ABCC9: variants seen among roughly 807,000 people sequenced by gnomAD.
ABCC9 encodes ATP-binding cassette sub-family C member 9.
Under a neutral mutation model 188.3 loss-of-function variants are expected in ABCC9, and 95 were observed. The observed-to-expected ratio is 0.50, with a 90% CI of 0.43 to 0.60. The LOEUF is 0.60. ABCC9 is among the 20% of genes least tolerant of loss of function. ABCC9 has a pLI of 0.00. For missense variants in ABCC9, 1,102 were observed against 1,876.3 expected (o/e 0.59, Z 7.62); for synonymous variants, 659 against 652.7 (o/e 1.01, Z -0.15).
chr12:21,903,377 G>A (rs1338087725), intron 12 of ABCC9, among the ~76,000 whole-genome samples: 1 of 152,134 alleles, frequency 6.6e-6, no homozygotes, highest in East Asian at 1.9e-4. Flanking sequence ...CACAAGACAG[G>A]GATGCCCTCT....
chr12:21,925,759 C>T (rs562573151), intron 5 of ABCC9, among the ~76,000 whole-genome samples, 183 bp downstream of exon 5: 3 of 152,090 alleles, frequency 2.0e-5, no homozygotes, highest in Middle Eastern at 3.4e-3. Context: ...CCTAGAGCAA[C>T]TCAGCTTATC....
intron 5 of ABCC9, chr12:21,925,099 C>T (rs895468609): frequency 5.1e-5 from 8 of 157,712 alleles, no homozygotes; most frequent in Non-Finnish European, 1.4e-5. Context: ...AAATCAGAAA[C>T]AGTAAGCATC....
intron 18 of ABCC9, among the ~76,000 whole-genome samples, chr12:21,868,656 A>G (rs1365234885): frequency 6.6e-6 from 1 of 152,062 alleles, no homozygotes; most frequent in Non-Finnish European, 1.5e-5. Context: ...AAATAAATAA[A>G]ATTTATGCAA....
At chr12:21,828,859 C>T (rs563740904) in intron 31 of ABCC9, 99 bp downstream of exon 31, 250 of 950,160 alleles carry the variant, frequency 2.6e-4, no homozygotes, top group African/African-American at 1.0e-3. Flanking sequence ...AAGCTAGTGC[C>T]GAATCTCAGT....
chr12:21,913,195 T>C, intron 7 of ABCC9, 129 bp from the exon 8 acceptor site: 1 of 785,856 alleles, frequency 1.3e-6, no homozygotes, highest in South Asian at 1.9e-5. Context: ...AAATTGATGT[T>C]AATGTGTGCC....
intron 31 of ABCC9, among the ~76,000 whole-genome samples, chr12:21,827,741 C>G (rs1943471182): frequency 6.6e-6 from 1 of 152,214 alleles, no homozygotes; most frequent in African/African-American, 2.4e-5. Context: ...CCAACTGTCA[C>G]AGCTACCTGG....
At chr12:21,818,343 C>A (rs988609244) in intron 31 of ABCC9, 92 bp from the exon 32 acceptor site, 6 of 926,124 alleles carry the variant, frequency 6.5e-6, no homozygotes, top group Non-Finnish European at 1.1e-5. Context: ...TAAGAGAATA[C>A]ACATCATTCC....
At chr12:21,934,965 A>C (rs1949428593) in intron 3 of ABCC9, among the ~76,000 whole-genome samples, 1 of 151,986 alleles carries the variant, frequency 6.6e-6, no homozygotes, top group South Asian at 2.1e-4. Flanking sequence ...CTTTTTTTGC[A>C]ACCTTATGAT....
intron 14 of ABCC9, among the ~76,000 whole-genome samples, chr12:21,888,857 G>A (rs1446814227): frequency 6.6e-6 from 1 of 152,126 alleles, no homozygotes; most frequent in Non-Finnish European, 1.5e-5. Context: ...AGGAAATTCA[G>A]TGAAGTTGCA....
chr12:21,917,193 A>C, intron 5 of ABCC9, 90 bp from the exon 6 acceptor site: 1 of 1,335,394 alleles, frequency 7.5e-7, no homozygotes, highest in Non-Finnish European at 1.1e-6. Flanking sequence ...TTTAATAACA[A>C]AGGCAATTTT....
At chr12:21,893,160 AT>A (rs568805966) in intron 14 of ABCC9, among the ~76,000 whole-genome samples, 103 of 142,688 alleles carry the variant, frequency 7.2e-4, no homozygotes, top group African/African-American at 2.5e-3. Context: ...TTGGTAACAC[AT>A]TTTTATAAGT....
At chr12:21,875,960 T>TGG (rs1278389465) in intron 16 of ABCC9, among the ~76,000 whole-genome samples, 1 of 152,018 alleles carries the variant, frequency 6.6e-6, no homozygotes, top group East Asian at 1.9e-4. Flanking sequence ...GGCAGGCGCC[T>TGG]GTAGTCCCAG....
At chr12:21,842,796 A>T (rs976509299) in intron 28 of ABCC9, among the ~76,000 whole-genome samples, 1 of 152,194 alleles carries the variant, frequency 6.6e-6, no homozygotes. Context: ...GGCAGTGCAT[A>T]CAAATCTATT....
chr12:21,848,482 A>C (rs1944800512), intron 24 of ABCC9, among the ~76,000 whole-genome samples: 1 of 152,172 alleles, frequency 6.6e-6, no homozygotes, highest in African/African-American at 2.4e-5. Context: ...CAGGAAAAGC[A>C]AGAATGAGAT....
At chr12:21,897,892 A>G in intron 12 of ABCC9, among the ~76,000 whole-genome samples, 1 of 152,126 alleles carries the variant, frequency 6.6e-6, no homozygotes, top group South Asian at 2.1e-4. Context: ...ATCTCTAGAG[A>G]CACACAAGCT....
chr12:21,923,889 A>G (rs1375782760), intron 5 of ABCC9: 1 of 692,686 alleles, frequency 1.4e-6, no homozygotes, highest in African/African-American at 1.8e-5. Context: ...TTAACAAGGG[A>G]TTGAAAAAAC....
intron 16 of ABCC9, among the ~76,000 whole-genome samples, chr12:21,877,613 A>C (rs1946428054): frequency 6.6e-6 from 1 of 152,186 alleles, no homozygotes; most frequent in South Asian, 2.1e-4. Flanking sequence ...GCTTGTGGAC[A>C]AGGGCCAGCA....
intron 5 of ABCC9, chr12:21,923,166 A>C (rs1218367570): frequency 1.3e-5 from 2 of 151,584 alleles, no homozygotes; most frequent in Non-Finnish European, 3.0e-5. Flanking sequence ...TAAAAATAAA[A>C]ATGGAAACCA....
chr12:21,922,473 T>A (rs1948863683), intron 5 of ABCC9, among the ~76,000 whole-genome samples: 1 of 151,908 alleles, frequency 6.6e-6, no homozygotes, highest in Non-Finnish European at 1.5e-5. Context: ...AATACTTAAT[T>A]GCATTTCACA....
Sources: gnomAD v4.1 joint callset for allele counts (sites outside exome capture counted in the v4.1 genomes callset) on GRCh38, gnomAD v4.1.1 for gene constraint, MANE v1.5 for transcripts, NCBI Gene and HGNC (gene_info 2026-07-23, HGNC 2026-07-21) for gene names.